ETFBKMT: variants seen among roughly 807,000 people sequenced by gnomAD.
ETFBKMT encodes the protein electron transfer flavoprotein subunit beta lysine methyltransferase.
A neutral mutation model predicts 18.3 loss-of-function variants in ETFBKMT; 13 were observed. The observed-to-expected ratio is 0.71, with a 90% confidence interval of 0.46 to 1.13. The LOEUF (loss-of-function observed/expected upper bound fraction) is 1.13. ETFBKMT is among the 50% of genes most tolerant of loss of function. ETFBKMT has a pLI of 0.00. For missense variants in ETFBKMT, 293 were observed against 306.2 expected (o/e 0.96, Z 0.32); for synonymous variants, 84 against 107.9 (o/e 0.78, Z 1.37).
intron 2 of ETFBKMT, among the ~76,000 whole-genome samples, chr12:31,665,015 C>T (rs1277293619): frequency 1.3e-5 from 2 of 150,070 alleles, no homozygotes; most frequent in African/African-American, 4.9e-5. Flanking sequence ...CTACTCACTG[C>T]AGCCTCTGCC....
chr12:31,672,607 A>G lies in ETFBKMT; in HGVS notation c.*4617A>G. The stretch of plus-strand genomic sequence containing the variant: ...GGTATTACTTGTTTAAAAAAAAAAA[A>G]CAGGCATTTGTTGTTTTCTCTGTAA... On this transcript the variant is annotated 3_prime_UTR_variant, in exon 4 of 4. Transcript: ENST00000357721. 5.3e-6 allele frequency: 2 copies of G among 377,216 alleles called. No individual in the cohort carries two copies. Among genetic ancestry groups the G allele is most frequent in the Non-Finnish European group, 9.6e-6 (2 of 208,102 alleles). The allele number at this position is 377,216 out of a possible 1,614,324, so 23.4% of individuals were successfully genotyped here. A position where few individuals can be genotyped will look rare whatever the true frequency, so the allele number is the denominator to read the frequency against.
chr12:31,651,365 A>G (rs950432700), intron 1 of ETFBKMT, among the ~76,000 whole-genome samples: 1 of 148,282 alleles, frequency 6.7e-6, no homozygotes, highest in African/African-American at 2.5e-5. Context: ...GCTGGAGTGC[A>G]GTGGCGCAAT....
chr12:31,658,805 C>T (rs1197348358), upstream of ETFBKMT, among the ~76,000 whole-genome samples: 1 of 151,940 alleles, frequency 6.6e-6, no homozygotes, highest in Non-Finnish European at 1.5e-5. Context: ...TAGATCCAGA[C>T]TCGAGTGATA....
chr12:31,657,541 C>G (rs1951072390), upstream of ETFBKMT, among the ~76,000 whole-genome samples: 1 of 152,066 alleles, frequency 6.6e-6, no homozygotes, highest in Non-Finnish European at 1.5e-5. Flanking sequence ...CACCTGTAAT[C>G]CCAACACTTT....
At chr12:31,663,215 C>T (rs1951150555) in intron 2 of ETFBKMT, among the ~76,000 whole-genome samples, 1 of 152,084 alleles carries the variant, frequency 6.6e-6, no homozygotes, top group African/African-American at 2.4e-5. Flanking sequence ...GCCTCACCCT[C>T]CTGAGTAGCT....
At position 31,672,042 on chromosome 12, in the gene ETFBKMT, C is replaced by T. The variant is rs1951283622; in HGVS notation, c.*4052C>T. ...AGAAACAGAATCCAACACCATAGATCAGAGTTCATGCTAGGATTATCATTT... is the reference window on the plus strand; with the variant it reads ...AGAAACAGAATCCAACACCATAGATTAGAGTTCATGCTAGGATTATCATTT... On this transcript the variant is annotated 3_prime_UTR_variant, in exon 4 of 4. Transcript: ENST00000357721. 1 of 339,524 alleles carries T rather than the reference C, an allele frequency of 2.9e-6. No individual in the cohort carries two copies. The highest frequency in any genetic ancestry group is 5.4e-6 in the Non-Finnish European group (1 of 185,814). The allele number at this position is 339,524 out of a possible 1,614,324, so 21.0% of individuals were successfully genotyped here.
At position 31,661,691 on chromosome 12, in the gene ETFBKMT, C is replaced by T; in HGVS notation, c.-113-150C>T. 5 of 371,896 alleles carry T rather than the reference C, an allele frequency of 1.3e-5. No individual in the cohort carries two copies. In the South Asian group the frequency reaches 1.5e-4, roughly 11 times the overall value. The allele number at this position is 371,896 out of a possible 1,614,324, so 23.0% of individuals were successfully genotyped here. A position where few individuals can be genotyped will look rare whatever the true frequency, so the allele number is the denominator to read the frequency against. On this transcript the variant is annotated intron_variant, in intron 1 of 3. Coordinates refer to ENST00000357721, the MANE Select transcript of ETFBKMT (RefSeq NM_001135863.2). ...GGCCACACTGGTCTTGAACACCTGA[C>T]CTCGTGATCCACCCGCCTTGGCCTC...
intron 3 of ETFBKMT, 129 bp downstream of exon 3, chr12:31,666,346 G>C (rs1951196328): frequency 1.0e-6 from 1 of 971,504 alleles, no homozygotes; most frequent in Non-Finnish European, 1.5e-6. Flanking sequence ...GAATCTCTGT[G>C]CACTGGGACA....
intron 1 of ETFBKMT, among the ~76,000 whole-genome samples, chr12:31,653,066 G>A (rs1308066218): frequency 1.3e-5 from 2 of 152,164 alleles, no homozygotes; most frequent in Non-Finnish European, 2.9e-5. Flanking sequence ...AAAATCAGCC[G>A]GCCTTGGCGG....
chr12:31,670,804 T>TG lies in ETFBKMT; in HGVS notation c.*2818dup, dbSNP rs1330727530. On this transcript the variant is annotated 3_prime_UTR_variant, in exon 4 of 4. Coordinates refer to ENST00000357721, the MANE Select transcript of ETFBKMT (RefSeq NM_001135863.2). Reference sequence around the variant, plus strand: ...GGCACTGTTCTAGGCACTGGGGATATGGGGATACAGCAATGAAAAAAAAAG... The same window carrying TG: ...GGCACTGTTCTAGGCACTGGGGATATGGGGGATACAGCAATGAAAAAAAAAG... 1.3e-5 allele frequency: 2 copies of TG among 152,126 alleles called. No individual in the cohort carries two copies. Among genetic ancestry groups the TG allele is most frequent in the Non-Finnish European group, 2.9e-5 (2 of 68,032 alleles). The allele number at this position is 152,126 out of a possible 1,614,324, so 9.4% of individuals were successfully genotyped here. A position where few individuals can be genotyped will look rare whatever the true frequency, so the allele number is the denominator to read the frequency against.
At chr12:31,664,829 G>A (rs1374023457) in intron 2 of ETFBKMT, among the ~76,000 whole-genome samples, 1 of 151,490 alleles carries the variant, frequency 6.6e-6, no homozygotes, top group Non-Finnish European at 1.5e-5. Context: ...TGGCCAGGCT[G>A]GTCTCGAACT....
intron 1 of ETFBKMT, among the ~76,000 whole-genome samples, chr12:31,651,578 C>T (rs1176227170): frequency 6.6e-6 from 1 of 152,108 alleles, no homozygotes; most frequent in African/African-American, 2.4e-5. Context: ...GTGATCTAGC[C>T]GCCTCCGCCT....
At chr12:31,649,494 T>C (rs1265607780) in intron 1 of ETFBKMT, among the ~76,000 whole-genome samples, 2 of 152,216 alleles carry the variant, frequency 1.3e-5, no homozygotes, top group Admixed American at 1.3e-4. Flanking sequence ...TACCCCTGTG[T>C]CGGGCTAGTC....
chr12:31,665,939 T>G, intron 2 of ETFBKMT, 148 bp from the exon 3 acceptor site: 1 of 590,122 alleles, frequency 1.7e-6, no homozygotes, highest in Non-Finnish European at 2.8e-6. Context: ...AGCGTGGGTG[T>G]TATGGCCATC....
chr12:31,668,043 A>T lies in ETFBKMT; in HGVS notation c.*53A>T. 6.9e-7 allele frequency: 1 copy of T among 1,442,874 alleles called. No homozygotes were observed. The highest frequency in any genetic ancestry group is 9.5e-7 in the Non-Finnish European group (1 of 1,054,392). The allele number at this position is 1,442,874 out of a possible 1,614,324, so 89.4% of individuals were successfully genotyped here. A position where few individuals can be genotyped will look rare whatever the true frequency, so the allele number is the denominator to read the frequency against. On this transcript the variant is annotated 3_prime_UTR_variant, in exon 4 of 4. Transcript: ENST00000357721. ...ATAGTAATGTTTGGATCTGACTCTA[A>T]AAGTTTTCTCTATAGGAGATACTCT... is the stretch of plus-strand genomic sequence containing the variant.
At chr12:31,651,399 T>C (rs1404189340) in intron 1 of ETFBKMT, among the ~76,000 whole-genome samples, 1 of 150,096 alleles carries the variant, frequency 6.7e-6, no homozygotes, top group Non-Finnish European at 1.5e-5. Context: ...AACCTCCACC[T>C]CCCGGGTTGC....
intron 2 of ETFBKMT, among the ~76,000 whole-genome samples, chr12:31,662,785 G>A (rs1027729953): frequency 4.6e-5 from 7 of 152,128 alleles, no homozygotes; most frequent in Non-Finnish European, 7.4e-5. Flanking sequence ...AATCTCACCT[G>A]TTAGGAGGTT....
chr12:31,658,770 G>A (rs539371707), upstream of ETFBKMT, among the ~76,000 whole-genome samples: 5 of 152,228 alleles, frequency 3.3e-5, no homozygotes, highest in African/African-American at 7.2e-5. Context: ...GTGGGATGTG[G>A]GTCCAGTTGA....
Position 31,661,893 on chromosome 12 carries a change from C to G in ETFBKMT, c.-61C>G. The G allele has an allele frequency of 6.7e-7, 1 of 1,500,730 alleles. No individual in the cohort carries two copies. The highest frequency in any genetic ancestry group is 1.2e-5 in the South Asian group (1 of 83,004). The allele number at this position is 1,500,730 out of a possible 1,614,324, so 93.0% of individuals were successfully genotyped here. On this transcript the variant is annotated 5_prime_UTR_variant, in exon 2 of 4. Transcript: ENST00000357721. ...TGGGAGACACACCCTTGTTCATTCT[C>G]CTTGAGAAGCAGCTATTATCAACAG...
Sources: allele counts gnomAD v4.1 joint callset (sites outside exome capture counted in the v4.1 genomes callset), GRCh38; gene constraint gnomAD v4.1.1; transcripts MANE v1.5; gene names NCBI Gene and HGNC (gene_info 2026-07-23, HGNC 2026-07-21).